ARHGAP15: variants seen among roughly 807,000 people sequenced by gnomAD.
The protein encoded by ARHGAP15 is rho GTPase-activating protein 15.
ARHGAP15 carries 51 observed loss-of-function variants against 63.7 expected under a neutral mutation model. The observed-to-expected ratio is 0.80, with a 90% CI of 0.64 to 1.01. ARHGAP15 has a LOEUF of 1.01. Among genes scored for constraint, ARHGAP15 ranks in the 50% least tolerant of loss-of-function variants. ARHGAP15 has a pLI of 0.00. For synonymous variants in ARHGAP15, 191 were observed against 193.8 expected, an observed-to-expected ratio of 0.99 and a Z score of 0.12; for missense variants, 560 against 564.6, an observed-to-expected ratio of 0.99 and a Z score of 0.08.
intron 12 of ARHGAP15, among the ~76,000 whole-genome samples, chr2:143,681,309 C>A (rs1242886372): frequency 6.6e-6 from 1 of 152,094 alleles, no homozygotes; most frequent in Non-Finnish European, 1.5e-5. Context: ...GAAATAGAAT[C>A]CCTGGGCCTT....
intron 8 of ARHGAP15, among the ~76,000 whole-genome samples, chr2:143,445,222 G>A (rs559373686): frequency 3.5e-5 from 5 of 142,848 alleles, no homozygotes; most frequent in East Asian, 2.1e-4. Flanking sequence ...GTGCAATGGC[G>A]TGGTCTTGGC....
At chr2:143,261,280 A>G (rs1680701288) in intron 6 of ARHGAP15, among the ~76,000 whole-genome samples, 1 of 140,594 alleles carries the variant, frequency 7.1e-6, no homozygotes, top group East Asian at 2.2e-4. Context: ...GTATTTGTTT[A>G]TGCTAAATTT....
intron 13 of ARHGAP15, among the ~76,000 whole-genome samples, chr2:143,750,938 A>G (rs1364539703): frequency 6.6e-6 from 1 of 152,204 alleles, no homozygotes; most frequent in Non-Finnish European, 1.5e-5. Context: ...GGGGAGGGAA[A>G]TGATGCGTGA....
At chr2:143,178,530 G>T (rs1691098425) in intron 2 of ARHGAP15, among the ~76,000 whole-genome samples, 1 of 152,050 alleles carries the variant, frequency 6.6e-6, no homozygotes, top group Non-Finnish European at 1.5e-5. Flanking sequence ...TAAATAAAAT[G>T]GTATTATGTT....
chr2:143,706,722 T>A (rs1574866642), intron 13 of ARHGAP15: 1 of 152,130 alleles, frequency 6.6e-6, no homozygotes, highest in Non-Finnish European at 1.5e-5. Context: ...AAACTCAGGG[T>A]CAAGTTCTAT....
In ARHGAP15 at chr2:143,155,533, A is replaced by T. The variant is rs1377298797; in HGVS notation, c.43A>T (p.Asn15Tyr). The change falls in exon 2 of 14, where the codon AAT (asparagine) becomes TAT (tyrosine). Residue 15 changes from asparagine (N) to tyrosine (Y), a missense_variant. Coordinates refer to ENST00000295095, the MANE Select transcript of ARHGAP15 (RefSeq NM_018460.4). Reference sequence around the variant, plus strand: ...TTCTGATACTTCCGTGGAAACACTGAATTCTACCCGCCAAGGCACAGGAGC... The same window carrying T: ...TTCTGATACTTCCGTGGAAACACTGTATTCTACCCGCCAAGGCACAGGAGC... The part of the protein sequence containing the change: ...TNSDTSVETL[N>Y]STRQGTGAVQ... 1 of 1,609,302 alleles carries T rather than the reference A, an allele frequency of 6.2e-7. No individual in the cohort carries two copies. Among genetic ancestry groups the T allele is most frequent in the African/African-American group, 1.3e-5 (1 of 74,488 alleles).
intron 2 of ARHGAP15, among the ~76,000 whole-genome samples, chr2:143,167,540 C>T (rs1323792954): frequency 6.6e-6 from 1 of 152,058 alleles, no homozygotes; most frequent in Non-Finnish European, 1.5e-5. Context: ...CCTGAGCTTG[C>T]CACCACTCAT....
At chr2:143,231,663 C>G (rs1452336138) in intron 5 of ARHGAP15, among the ~76,000 whole-genome samples, 2 of 152,224 alleles carry the variant, frequency 1.3e-5, no homozygotes, top group African/African-American at 4.8e-5. Context: ...TCTTCCAGTT[C>G]ATATCTGTCT....
intron 11 of ARHGAP15, among the ~76,000 whole-genome samples, chr2:143,574,121 C>T (rs1356443460): frequency 6.6e-6 from 1 of 152,094 alleles, no homozygotes; most frequent in East Asian, 1.9e-4. Context: ...AGAGAAGGGG[C>T]AAAGAACATC....
chr2:143,346,651 G>A (rs775864621), intron 6 of ARHGAP15, among the ~76,000 whole-genome samples: 12 of 152,154 alleles, frequency 7.9e-5, no homozygotes, highest in Non-Finnish European at 1.0e-4. Flanking sequence ...TCATTTTGAA[G>A]TGCTCGCTAT....
chr2:143,438,828 C>T (rs1034792923), intron 8 of ARHGAP15, among the ~76,000 whole-genome samples: 3 of 152,020 alleles, frequency 2.0e-5, no homozygotes, highest in Non-Finnish European at 4.4e-5. Flanking sequence ...TTCTGTAGTA[C>T]ATATAAAAGA....
At position 143,302,642 on chromosome 2, in the gene ARHGAP15, A is replaced by C. The variant is rs868238007; in HGVS notation, c.474+52042A>C. ...CATTCTCCAGTTTGTAGATGACTCT[A>C]AATTCTCCCAGGTAGTGAACTATCC... On this transcript the variant is annotated intron_variant, in intron 6 of 13. Coordinates refer to ENST00000295095, the MANE Select transcript of ARHGAP15 (RefSeq NM_018460.4). Among the ~76,000 whole-genome samples, 13 of 152,128 alleles carry C rather than the reference A, an allele frequency of 8.5e-5. 1 individual carries two copies. Among genetic ancestry groups the C allele is most frequent in the Middle Eastern group, 3.4e-3 (1 of 294 alleles).
intron 13 of ARHGAP15, among the ~76,000 whole-genome samples, chr2:143,748,239 C>T (rs943939501): frequency 2.0e-5 from 3 of 152,062 alleles, no homozygotes; most frequent in Non-Finnish European, 2.9e-5. Context: ...TCTTTGGTTA[C>T]ACTGTTAATT....
intron 10 of ARHGAP15, among the ~76,000 whole-genome samples, chr2:143,533,044 G>T (rs976533254): frequency 1.3e-5 from 2 of 152,160 alleles, no homozygotes; most frequent in Non-Finnish European, 2.9e-5. Context: ...TCACTTTCTT[G>T]AAGTTTCTTC....
At chr2:143,291,408 A>G (rs183205965) in intron 6 of ARHGAP15, among the ~76,000 whole-genome samples, 7 of 148,398 alleles carry the variant, frequency 4.7e-5, no homozygotes, top group African/African-American at 1.7e-4. Flanking sequence ...CTCCCTCCTC[A>G]CTCACTCACT....
intron 6 of ARHGAP15, among the ~76,000 whole-genome samples, chr2:143,267,523 C>G (rs1366566225): frequency 6.6e-6 from 1 of 152,106 alleles, no homozygotes; most frequent in Non-Finnish European, 1.5e-5. Context: ...ATTATAGGAG[C>G]TGAAGGTCAA....
intron 12 of ARHGAP15, among the ~76,000 whole-genome samples, chr2:143,664,105 A>G (rs1208803239): frequency 2.0e-5 from 3 of 152,118 alleles, no homozygotes; most frequent in Non-Finnish European, 4.4e-5. Flanking sequence ...TCAACAGAAT[A>G]TACATTTTTT....
intron 12 of ARHGAP15, among the ~76,000 whole-genome samples, chr2:143,652,794 G>T (rs1340174927): frequency 1.3e-5 from 2 of 152,012 alleles, no homozygotes; most frequent in East Asian, 1.9e-4. Context: ...CTCAATTACT[G>T]GTTCTGATAG....
chr2:143,515,187 A>ATGGGC, intron 9 of ARHGAP15, among the ~76,000 whole-genome samples: 1 of 93,168 alleles, frequency 1.1e-5, no homozygotes, highest in East Asian at 1.6e-3. Flanking sequence ...CACTATATTA[A>ATGGGC]CCCCCCCACC....
Sources: gnomAD v4.1 joint callset for allele counts (sites outside exome capture counted in the v4.1 genomes callset) on GRCh38, gnomAD v4.1.1 for gene constraint, MANE v1.5 for transcripts, NCBI Gene and HGNC (gene_info 2026-07-23, HGNC 2026-07-21) for gene names.